PDE3A: variants seen among roughly 807,000 people sequenced by gnomAD.
PDE3A encodes the protein phosphodiesterase 3A.
In PDE3A, 43 loss-of-function variants were observed where a neutral mutation model predicts 98.3. That is an observed-to-expected ratio of 0.44 (90% CI 0.34 to 0.56). The LOEUF (loss-of-function observed/expected upper bound fraction) is 0.56, where lower values mean the gene tolerates loss of function less well. Ranked by LOEUF, PDE3A falls within the 20% of genes least tolerant of loss-of-function variation. PDE3A has a pLI of 0.01. For missense variants in PDE3A, 1,427 were observed against 1,440.7 expected, an observed-to-expected ratio of 0.99 and a Z score of 0.15; for synonymous variants, 663 against 567.9, an observed-to-expected ratio of 1.17 and a Z score of -2.38.
intron 1 of PDE3A, among the ~76,000 whole-genome samples, chr12:20,490,292 T>C (rs2121042706): frequency 6.6e-6 from 1 of 152,298 alleles, no homozygotes; most frequent in South Asian, 2.1e-4. Flanking sequence ...ATATTGAAAT[T>C]TCCTTTACCT....
chr12:20,446,476 G>A (rs550536285), intron 1 of PDE3A, among the ~76,000 whole-genome samples: 4 of 152,146 alleles, frequency 2.6e-5, no homozygotes, highest in South Asian at 2.1e-4. Flanking sequence ...GTAATCTCAC[G>A]TTCAAGGAAG....
intron 1 of PDE3A, among the ~76,000 whole-genome samples, chr12:20,488,281 T>G (rs2121034915): frequency 6.6e-6 from 1 of 152,238 alleles, no homozygotes; most frequent in East Asian, 1.9e-4. Flanking sequence ...GGGGTTTTCT[T>G]TGATTCAATG....
At chr12:20,392,687 T>C (rs952087340) in intron 1 of PDE3A, among the ~76,000 whole-genome samples, 1 of 152,048 alleles carries the variant, frequency 6.6e-6, no homozygotes, top group Non-Finnish European at 1.5e-5. Flanking sequence ...CCCATGTTTA[T>C]TGTAGCACTG....
chr12:20,387,475 A>G (rs1037798139), intron 1 of PDE3A, among the ~76,000 whole-genome samples: 2 of 151,984 alleles, frequency 1.3e-5, no homozygotes, highest in Non-Finnish European at 2.9e-5. Flanking sequence ...CTTAAGCTCT[A>G]GTATAGCAAA....
intron 15 of PDE3A, among the ~76,000 whole-genome samples, chr12:20,663,361 C>A (rs949011418): frequency 2.0e-5 from 3 of 152,116 alleles, no homozygotes; most frequent in Non-Finnish European, 2.9e-5. Flanking sequence ...GTCCTCCAGA[C>A]CCCGGAATGG....
At chr12:20,370,409 GTTTTTTTTTTTT>G (rs372135967) in intron 1 of PDE3A, 165 bp downstream of exon 1, 17 of 297,802 alleles carry the variant, frequency 5.7e-5, no homozygotes, top group Non-Finnish European at 1.0e-4. Context: ...TGTTTTTTTT[GTTTTTTTTTTTT>G]TGTTTTTTTG....
At chr12:20,465,757 T>C (rs1365972362) in intron 1 of PDE3A, among the ~76,000 whole-genome samples, 1 of 152,038 alleles carries the variant, frequency 6.6e-6, no homozygotes, top group Non-Finnish European at 1.5e-5. Flanking sequence ...CTAAATAAAA[T>C]AGGAAATATA....
intron 1 of PDE3A, among the ~76,000 whole-genome samples, chr12:20,472,237 A>G (rs1945451235): frequency 1.3e-5 from 2 of 152,324 alleles, no homozygotes; most frequent in Admixed American, 6.5e-5. Context: ...CAGTTGTTCC[A>G]TAAAGCAATT....
At chr12:20,655,975 C>A (rs1945035257) in intron 15 of PDE3A, among the ~76,000 whole-genome samples, 1 of 152,132 alleles carries the variant, frequency 6.6e-6, no homozygotes, top group South Asian at 2.1e-4. Flanking sequence ...ACCTATTTAG[C>A]TTAATTGACT....
intron 1 of PDE3A, among the ~76,000 whole-genome samples, chr12:20,459,083 C>T (rs1945202861): frequency 6.6e-6 from 1 of 152,054 alleles, no homozygotes; most frequent in Non-Finnish European, 1.5e-5. Flanking sequence ...ATGACTTTTC[C>T]TTCCCAGTAT....
intron 1 of PDE3A, among the ~76,000 whole-genome samples, chr12:20,484,799 C>T (rs748285514): frequency 2.5e-4 from 38 of 152,112 alleles, no homozygotes; most frequent in Admixed American, 6.5e-4. Context: ...CATTGACGTA[C>T]GGATGACTAG....
At chr12:20,679,387 A>G (rs10770699) in intron 15 of PDE3A, among the ~76,000 whole-genome samples, 87,411 of 151,872 alleles carry the variant, frequency 0.58, 25,656 homozygotes, top group East Asian at 0.84. Flanking sequence ...AGCTGGGACT[A>G]CTGGCGCCTG....
intron 1 of PDE3A, among the ~76,000 whole-genome samples, chr12:20,510,117 T>A (rs1946193413): frequency 6.6e-6 from 1 of 152,056 alleles, no homozygotes; most frequent in South Asian, 2.1e-4. Flanking sequence ...TGGGCTTTAT[T>A]TAGATAGCAA....
chr12:20,658,828 A>G (rs1232749825), intron 15 of PDE3A, among the ~76,000 whole-genome samples: 1 of 152,268 alleles, frequency 6.6e-6, no homozygotes, highest in South Asian at 2.1e-4. Context: ...AGATTTATCT[A>G]TATTCCAGAG....
At chr12:20,493,793 G>T (rs1485412228) in intron 1 of PDE3A, among the ~76,000 whole-genome samples, 2 of 152,176 alleles carry the variant, frequency 1.3e-5, no homozygotes, top group Non-Finnish European at 2.9e-5. Flanking sequence ...ACCAAGCCCA[G>T]CTAATTTTGT....
intron 1 of PDE3A, among the ~76,000 whole-genome samples, chr12:20,403,400 TA>T (rs1186609516): frequency 5.3e-5 from 8 of 152,198 alleles, no homozygotes; most frequent in Non-Finnish European, 1.2e-4. Flanking sequence ...GGAGAGCACT[TA>T]ACCATGCTTG....
chr12:20,490,209 A>G (rs1428177509), intron 1 of PDE3A, among the ~76,000 whole-genome samples: 4 of 152,204 alleles, frequency 2.6e-5, no homozygotes, highest in Non-Finnish European at 4.4e-5. Context: ...GTGCTAATAT[A>G]AAACATTGCT....
At chr12:20,577,961 G>C (rs946318185) in intron 2 of PDE3A, among the ~76,000 whole-genome samples, 1 of 152,136 alleles carries the variant, frequency 6.6e-6, no homozygotes, top group Admixed American at 6.5e-5. Context: ...AACAAACGTA[G>C]GTTTGAAAAA....
chr12:20,448,988 A>C (rs936704377), intron 1 of PDE3A, among the ~76,000 whole-genome samples: 12 of 152,308 alleles, frequency 7.9e-5, no homozygotes, highest in Non-Finnish European at 1.5e-4. Flanking sequence ...TTCCTCCATT[A>C]AAGTACATTA....
Sources: gnomAD v4.1 joint callset for allele counts (sites outside exome capture counted in the v4.1 genomes callset) on GRCh38, gnomAD v4.1.1 for gene constraint, MANE v1.5 for transcripts, NCBI Gene and HGNC (gene_info 2026-07-23, HGNC 2026-07-21) for gene names.